Variants in AK8 observed in about 807,000 individuals in gnomAD.
The protein encoded by AK8 is adenylate kinase 8.
A neutral mutation model predicts 54.6 loss-of-function variants in AK8; 44 were observed. That is an observed-to-expected ratio of 0.81 (90% CI 0.63 to 1.04). The LOEUF is 1.04. Among genes scored for constraint, AK8 ranks in the 50% least tolerant of loss-of-function variants. The probability of loss-of-function intolerance (pLI) is 0.00; values close to 1 mark genes in which losing one functional copy is unlikely to be tolerated. For missense variants in AK8, 555 were observed against 613.6 expected, an observed-to-expected ratio of 0.90 and a Z score of 1.01; for synonymous variants, 239 against 245.6, an observed-to-expected ratio of 0.97 and a Z score of 0.25.
At chr9:132,818,044 G>A (rs1319926710) in intron 9 of AK8, among the ~76,000 whole-genome samples, 7 of 152,150 alleles carry the variant, frequency 4.6e-5, no homozygotes, top group East Asian at 3.8e-4. Flanking sequence ...AGTGCAAGCC[G>A]GAAGACAATA....
At chr9:132,771,945 G>A (rs1026131654) in intron 11 of AK8, among the ~76,000 whole-genome samples, 3 of 152,178 alleles carry the variant, frequency 2.0e-5, no homozygotes, top group Non-Finnish European at 4.4e-5. Flanking sequence ...CATCTTATAT[G>A]GATGGCAGCA....
intron 10 of AK8, among the ~76,000 whole-genome samples, chr9:132,796,770 T>TACACACAC (rs10590924): frequency 2.5e-4 from 35 of 142,306 alleles, no homozygotes; most frequent in Non-Finnish European, 4.0e-4. Flanking sequence ...ACATACATGC[T>TACACACAC]ACACACACAC....
chr9:132,862,761 G>T (rs1843441275), intron 4 of AK8, among the ~76,000 whole-genome samples: 1 of 152,178 alleles, frequency 6.6e-6, no homozygotes, highest in Non-Finnish European at 1.5e-5. Context: ...CCTGACACGT[G>T]ACTAGCTAGC....
Position 132,781,626 on chromosome 9 carries a change from T to C in AK8, c.1121+11008A>G, listed in dbSNP as rs1222454286. ...GAACCTTCCTTAAAAAAAGAGCCTT[T>C]GTAGATTTTCATATCTGAATTATAG... is the stretch of plus-strand genomic sequence containing the variant. On this transcript the variant is annotated intron_variant, in intron 11 of 12. Coordinates refer to ENST00000298545, the MANE Select transcript of AK8 (RefSeq NM_152572.3). The surrounding 1 kb of genome is among the most constrained non-coding windows in gnomAD (Gnocchi z 4.6). Among the ~76,000 whole-genome samples the C allele has an allele frequency of 6.6e-6, 1 of 152,328 alleles. No individual in the cohort carries two copies. The highest frequency in any genetic ancestry group is 2.4e-5 in the African/African-American group (1 of 41,580).
chr9:132,753,671 C>G (rs188894498), intron 11 of AK8, among the ~76,000 whole-genome samples: 1 of 152,158 alleles, frequency 6.6e-6, no homozygotes, highest in Non-Finnish European at 1.5e-5. Flanking sequence ...CCAGCTGGGG[C>G]GGAAGGGCAC....
rs369655670 is a variant in AK8, at chr9:132,843,497, C to T, written c.402+11360G>A. On this transcript the variant is annotated intron_variant, in intron 5 of 12. Transcript: ENST00000298545. ...GTCTCAGGTATTTCTTTATGCATTG[C>T]AAGAATGGCCTAATGCAATTAGGGT... 6.2e-4 allele frequency among the ~76,000 whole-genome samples: 94 copies of T among 152,190 alleles called. 1 individual carries two copies. Among genetic ancestry groups the T allele is most frequent in the Admixed American group, 2.1e-3 (32 of 15,284 alleles).
Position 132,858,634 on chromosome 9 carries a change from G to A in AK8, c.334-3709C>T, listed in dbSNP as rs115371065. ...GGTAGACGAGGGAAACCCAGTAGTC[G>A]GACTTGAGCTCCCCTCAGAACTGAC... On this transcript the variant is annotated intron_variant, in intron 4 of 12. Coordinates refer to ENST00000298545, the MANE Select transcript of AK8 (RefSeq NM_152572.3). Among the ~76,000 whole-genome samples the A allele has an allele frequency of 4.9e-3, 751 of 152,298 alleles. 7 individuals carry two copies. The highest frequency in any genetic ancestry group is 0.016 in the African/African-American group (685 of 41,552).
In AK8 at chr9:132,803,690, A is replaced by G. The variant is rs1354835914; in HGVS notation, c.980-10915T>C. 6.6e-6 allele frequency among the ~76,000 whole-genome samples: 1 copy of G among 152,126 alleles called. No homozygotes were observed. Among genetic ancestry groups the G allele is most frequent in the East Asian group, 1.9e-4 (1 of 5,180 alleles). On this transcript the variant is annotated intron_variant, in intron 10 of 12. Coordinates refer to ENST00000298545, the MANE Select transcript of AK8 (RefSeq NM_152572.3). This position sits in a 1 kb window ranked among gnomAD's most constrained non-coding sequence, Gnocchi z 4.4. ...TGGGAGGAAGCAGAGTCTGAATGGG[A>G]ACCAAGTCTGTGTGATTCTGAGCCA...
At chr9:132,771,624 A>G (rs1838983226) in intron 11 of AK8, among the ~76,000 whole-genome samples, 1 of 151,920 alleles carries the variant, frequency 6.6e-6, no homozygotes, top group Non-Finnish European at 1.5e-5. Flanking sequence ...CTGGGTCTCC[A>G]TCCATCTAGC....
chr9:132,740,853 C>T (rs778401887), intron 11 of AK8, among the ~76,000 whole-genome samples: 3 of 152,194 alleles, frequency 2.0e-5, no homozygotes, highest in Non-Finnish European at 2.9e-5. Context: ...GCATTTGGCT[C>T]CTTCGCTGAT....
intron 11 of AK8, among the ~76,000 whole-genome samples, chr9:132,756,026 C>T (rs1407974399): frequency 6.6e-6 from 1 of 152,164 alleles, no homozygotes; most frequent in Non-Finnish European, 1.5e-5. Flanking sequence ...CTTGGCCTCT[C>T]AAAGTGCTGG....
In AK8 at chr9:132,771,811, C is replaced by T. The variant is rs984335155; in HGVS notation, c.1121+20823G>A. Among the ~76,000 whole-genome samples the T allele has an allele frequency of 6.6e-5, 10 of 152,206 alleles. No individual in the cohort carries two copies. In the East Asian group the frequency reaches 9.7e-4, roughly 15 times the overall value. ...GAGCCTGTGTATCAGTCTGTTTTCA[C>T]GCTGCTAATAAAAACACACCTGAGA... is the stretch of plus-strand genomic sequence containing the variant. On this transcript the variant is annotated intron_variant, in intron 11 of 12. Coordinates refer to ENST00000298545, the MANE Select transcript of AK8 (RefSeq NM_152572.3).
chr9:132,832,996 C>T (rs992919987), intron 5 of AK8, among the ~76,000 whole-genome samples: 4 of 152,286 alleles, frequency 2.6e-5, no homozygotes, highest in African/African-American at 7.2e-5. Context: ...AGGAAGCCCT[C>T]GAGCAGCACC....
At chr9:132,773,870 A>G (rs561595525) in intron 11 of AK8, among the ~76,000 whole-genome samples, 46 of 152,338 alleles carry the variant, frequency 3.0e-4, no homozygotes, top group Admixed American at 1.4e-3. Context: ...TTGTAAAAAG[A>G]TAAGATTTGT....
At chr9:132,840,748 T>C (rs1842510340) in intron 5 of AK8, among the ~76,000 whole-genome samples, 1 of 151,766 alleles carries the variant, frequency 6.6e-6, no homozygotes, top group African/African-American at 2.4e-5. Context: ...CAAAAATTAG[T>C]CAGTTGTGGT....
chr9:132,725,591 G>A lies in AK8; in HGVS notation c.*97C>T. 1 of 1,131,666 alleles carries A rather than the reference G, an allele frequency of 8.8e-7. No individual in the cohort carries two copies. The highest frequency in any genetic ancestry group is 1.5e-5 in the South Asian group (1 of 65,210). The allele number at this position is 1,131,666 out of a possible 1,614,324, so 70.1% of individuals were successfully genotyped here. ...GGACGTACGAGACTGTATCCAGCAG[G>A]CTTTATTGGCTTTTTAGGGGAGCTG... On this transcript the variant is annotated 3_prime_UTR_variant, in exon 13 of 13. Transcript: ENST00000298545.
At chr9:132,741,581 G>C (rs975197541) in intron 11 of AK8, among the ~76,000 whole-genome samples, 1 of 152,216 alleles carries the variant, frequency 6.6e-6, no homozygotes, top group Non-Finnish European at 1.5e-5. Context: ...CAGCTGTAAG[G>C]GGTGGGTCAC....
chr9:132,811,611 T>C (rs960261811), intron 10 of AK8, among the ~76,000 whole-genome samples: 1 of 152,228 alleles, frequency 6.6e-6, no homozygotes, highest in African/African-American at 2.4e-5. Context: ...CCATGACATT[T>C]GTTATGAAGT....
intron 8 of AK8, among the ~76,000 whole-genome samples, chr9:132,824,086 C>T (rs898150753): frequency 3.3e-5 from 5 of 152,142 alleles, no homozygotes; most frequent in Non-Finnish European, 7.4e-5. Context: ...ATGGGGGGCA[C>T]CGGATGCCAA....
Sources: gnomAD v4.1 joint callset for allele counts (sites outside exome capture counted in the v4.1 genomes callset) on GRCh38, gnomAD v4.1.1 for gene constraint, Gnocchi (gnomAD v3.1) non-coding constraint, MANE v1.5 for transcripts, NCBI Gene and HGNC (gene_info 2026-07-23, HGNC 2026-07-21) for gene names.